FN1: variants seen among roughly 807,000 people sequenced by gnomAD.
FN1 encodes fibronectin 1.
In FN1, 106 loss-of-function variants were observed where a neutral mutation model predicts 297.3. The ratio of observed to expected loss-of-function variants is 0.36; its 90% CI spans 0.30 to 0.42. FN1 has a LOEUF of 0.42. Among genes scored for constraint, FN1 ranks in the 10% least tolerant of loss-of-function variants. The pLI is 1.00. For synonymous variants in FN1, 1,149 were observed against 1,152.6 expected, an observed-to-expected ratio of 1.00 and a Z score of 0.06; for missense variants, 2,690 against 3,124.9, an observed-to-expected ratio of 0.86 and a Z score of 3.32.
At chr2:215,381,974 C>T (rs929838886) in intron 32 of FN1, 20 of 481,206 alleles carry the variant, frequency 4.2e-5, no homozygotes, top group Admixed American at 9.9e-5. Flanking sequence ...GCCATTTGAG[C>T]AAAAGAAATT....
intron 32 of FN1, chr2:215,381,798 C>A (rs2058255444): frequency 3.2e-6 from 1 of 311,722 alleles, no homozygotes; most frequent in Non-Finnish European, 6.2e-6. Flanking sequence ...TTTCCCCTCT[C>A]TATTAAGCAT....
chr2:215,406,526 C>T lies in FN1; in HGVS notation c.2714-16G>A, dbSNP rs1327086214. ...GGCACTGTATCTGACAGACAAGAGT[C>T]AACTGGTCATTCACATTCTCTGCTG... is the stretch of plus-strand genomic sequence containing the variant. On this transcript the variant is annotated splice_polypyrimidine_tract_variant and intron_variant, in intron 18 of 45. Transcript: ENST00000354785. The T allele has an allele frequency of 8.7e-6, 14 of 1,612,900 alleles. No individual in the cohort carries two copies. The highest frequency in any genetic ancestry group is 1.2e-5 in the Non-Finnish European group (14 of 1,179,676).
chr2:215,425,468 C>T (rs1291325427), intron 6 of FN1, among the ~76,000 whole-genome samples, 183 bp from the exon 7 acceptor site: 1 of 152,160 alleles, frequency 6.6e-6, no homozygotes, highest in Non-Finnish European at 1.5e-5. Context: ...AGGAAATAAT[C>T]CACAAGTGTC....
At chr2:215,373,800 A>T (rs774154842) in intron 38 of FN1, among the ~76,000 whole-genome samples, 6 of 148,826 alleles carry the variant, frequency 4.0e-5, no homozygotes, top group Middle Eastern at 3.5e-3. Flanking sequence ...TGCCTCAGCC[A>T]CCCGAGTAGC....
At chr2:215,404,315 T>A in intron 20 of FN1, 74 bp downstream of exon 20, 1 of 1,408,702 alleles carries the variant, frequency 7.1e-7, no homozygotes, top group Non-Finnish European at 1.0e-6. Context: ...TTTGTTTTGT[T>A]TTGTTTTGTT....
rs1219636612 is a variant in FN1 at position 215,379,306 on chromosome 2, G to A, written c.5446C>T (p.Pro1816Ser). The A allele has an allele frequency of 1.2e-6, 2 of 1,613,938 alleles. No individual in the cohort carries two copies. The highest frequency in any genetic ancestry group is 2.7e-5 in the African/African-American group (2 of 74,918). ...ACCTGAGTGAACTTCAGGTCAGTTG[G>A]TGCAGGAATAGCTGTCGAGATTGTC... is the stretch of plus-strand genomic sequence containing the variant. ...IGTQSTAIPA[P>S]TDLKFTQVTP... is the part of the protein sequence containing the mutation. The change falls in exon 34 of 46, where the codon CCA becomes TCA. Residue 1816 changes from proline (P) to serine (S), a missense_variant. Physicochemically the swap from Pro to Ser is moderately conservative, Grantham distance 74 (BLOSUM62 -1). Around this residue, in one of 3 missense-constraint regions of FN1, gnomAD observed 1,743 missense variants for 1,945.2 expected, o/e 0.90. Transcript: ENST00000354785.
intron 44 of FN1, chr2:215,363,211 T>C (rs543867006): frequency 1.3e-5 from 2 of 152,260 alleles, no homozygotes; most frequent in South Asian, 4.1e-4. Context: ...CACTTGAGAA[T>C]AGAATAAGTG....
intron 31 of FN1, among the ~76,000 whole-genome samples, chr2:215,382,777 C>T (rs2058388211): frequency 1.3e-5 from 2 of 151,988 alleles, no homozygotes; most frequent in Admixed American, 6.6e-5. Context: ...TTAAGATGTC[C>T]ATATCACTAA....
In FN1 at chr2:215,399,311, C is replaced by A. The variant is rs779858413; in HGVS notation, c.3294G>T (p.Val1098=). 11 of 1,613,932 alleles carry A rather than the reference C, an allele frequency of 6.8e-6. No individual in the cohort carries two copies. Among genetic ancestry groups the A allele is most frequent in the African/African-American group, 1.3e-5 (1 of 74,912 alleles). ...ATGTGATCACAATGGTGGTCTCAGTCACCTCGGTGTTGTAAGGTGGAATAG... is the reference window on the plus strand; with the variant it reads ...ATGTGATCACAATGGTGGTCTCAGTAACCTCGGTGTTGTAAGGTGGAATAG... ...GSSIPPYNTE[V]TETTIVITWT... Residue 1098 remains valine, a synonymous_variant, in exon 21 of 46, where the codon GTG becomes GTT. Coordinates refer to ENST00000354785, the MANE Select transcript of FN1 (RefSeq NM_212482.4).
At chr2:215,392,445 C>T in intron 25 of FN1, 1 of 193,906 alleles carries the variant, frequency 5.2e-6, no homozygotes. Flanking sequence ...TTTTCTCCTA[C>T]CTCAAAACAA....
At chr2:215,391,049 A>G (rs1446692173) in intron 26 of FN1, among the ~76,000 whole-genome samples, 4 of 152,224 alleles carry the variant, frequency 2.6e-5, no homozygotes, top group Non-Finnish European at 4.4e-5. Context: ...CAATTTCCAT[A>G]AATTGTTGTT....
chr2:215,425,956 C>T (rs79223263), intron 6 of FN1, among the ~76,000 whole-genome samples: 2,518 of 152,172 alleles, frequency 0.017, 63 homozygotes, highest in African/African-American at 0.058. Context: ...TCTGAGTAAC[C>T]GAGCTCATCA....
intron 5 of FN1, among the ~76,000 whole-genome samples, chr2:215,429,897 G>A (rs1359435876): frequency 1.3e-5 from 2 of 152,126 alleles, no homozygotes; most frequent in Non-Finnish European, 2.9e-5. Context: ...CATCTAATTT[G>A]TCTTAAGCTA....
chr2:215,422,353 GAAGAAGCTTTGTGTGCATCAAAGACATCT>G (rs2064552866), intron 9 of FN1, 110 bp from the exon 10 acceptor site: 2 of 1,133,908 alleles, frequency 1.8e-6, no homozygotes, highest in Non-Finnish European at 1.3e-6. Flanking sequence ...TCTCACTTGG[GAAGAAGCTTTGTGTGCATCAAAGACATCT>G]AAGTGCTGTC....
Position 215,378,103 on chromosome 2 carries a change from C to T in FN1, c.5710+72G>A, listed in dbSNP as rs1282764844. On this transcript the variant is annotated intron_variant, in intron 35 of 45. Coordinates refer to ENST00000354785, the MANE Select transcript of FN1 (RefSeq NM_212482.4). ...GATTTTAGACATGAGCCACTGAACC[C>T]CACTGATTTACCATTCTTTAATTTT... 3 of 964,992 alleles carry T rather than the reference C, an allele frequency of 3.1e-6. No homozygotes were observed. The African/African-American group carries it at 4.8e-5, about 15-fold the overall frequency. The allele number at this position is 964,992 out of a possible 1,614,324, so 59.8% of individuals were successfully genotyped here. A position where few individuals can be genotyped will look rare whatever the true frequency, so the allele number is the denominator to read the frequency against.
At chr2:215,367,831 C>G in intron 42 of FN1, 32 bp downstream of exon 42, 2 of 1,612,368 alleles carry the variant, frequency 1.2e-6, no homozygotes, top group Non-Finnish European at 1.7e-6. Context: ...AGGAGACAAA[C>G]ACGGAAGTGG....
chr2:215,381,448 T>C (rs1575383343), intron 32 of FN1: 1 of 331,848 alleles, frequency 3.0e-6, no homozygotes, highest in Admixed American at 4.6e-5. Context: ...TGATTTGCAA[T>C]GTCAGATTCA....
intron 41 of FN1, among the ~76,000 whole-genome samples, chr2:215,368,448 C>T (rs1041129469): frequency 2.0e-5 from 3 of 151,980 alleles, no homozygotes; most frequent in Non-Finnish European, 2.9e-5. Flanking sequence ...GCAATACTAG[C>T]GTAATAATAA....
At chr2:215,379,054 T>G in intron 34 of FN1, 76 bp downstream of exon 34, 1 of 1,224,476 alleles carries the variant, frequency 8.2e-7, no homozygotes, top group East Asian at 2.3e-5. Flanking sequence ...ATTATGATAT[T>G]ATATTTTCAC....
Sources: allele counts gnomAD v4.1 joint callset (sites outside exome capture counted in the v4.1 genomes callset), GRCh38; gene constraint gnomAD v4.1.1; regional missense constraint gnomAD v4.1.1; transcripts MANE v1.5; gene names NCBI Gene and HGNC (gene_info 2026-07-23, HGNC 2026-07-21).